Variants in NAALADL2 observed in about 807,000 individuals in gnomAD.
NAALADL2 encodes the protein inactive N-acetylated-alpha-linked acidic dipeptidase-like protein 2.
Under a neutral mutation model 87.2 loss-of-function variants are expected in NAALADL2, and 76 were observed. The observed-to-expected ratio is 0.87, with a 90% confidence interval of 0.72 to 1.05. The LOEUF is 1.05. Ranked by LOEUF, NAALADL2 falls within the 50% of genes least tolerant of loss-of-function variation. The pLI is 0.00. For synonymous variants in NAALADL2, 354 were observed against 331.0 expected, an observed-to-expected ratio of 1.07 and a Z score of -0.75; for missense variants, 1,089 against 945.8, an observed-to-expected ratio of 1.15 and a Z score of -1.99.
At chr3:175,518,280 G>A (rs968245638) in intron 9 of NAALADL2, among the ~76,000 whole-genome samples, 1 of 152,142 alleles carries the variant, frequency 6.6e-6, no homozygotes, top group African/African-American at 2.4e-5. Flanking sequence ...AGTAGGAACT[G>A]CATTCATGAG....
chr3:174,712,486 C>G (rs1334539536), intron 2 of NAALADL2, among the ~76,000 whole-genome samples: 1 of 138,974 alleles, frequency 7.2e-6, no homozygotes, highest in Non-Finnish European at 1.5e-5. Context: ...CTCCCGGGTT[C>G]ATGCCATTCT....
At chr3:174,868,649 C>T (rs1727442675) in intron 1 of NAALADL2, among the ~76,000 whole-genome samples, 2 of 152,056 alleles carry the variant, frequency 1.3e-5, no homozygotes, top group Admixed American at 6.6e-5. Context: ...AATGAAGAGA[C>T]TGTGAAAACT....
At chr3:175,794,629 T>C (rs1252869764) in intron 13 of NAALADL2, among the ~76,000 whole-genome samples, 1 of 152,216 alleles carries the variant, frequency 6.6e-6, no homozygotes, top group African/African-American at 2.4e-5. Flanking sequence ...AGTGTAGTTA[T>C]AGTTAGATGG....
At chr3:175,221,620 T>C (rs1462169737) in intron 2 of NAALADL2, among the ~76,000 whole-genome samples, 5 of 152,168 alleles carry the variant, frequency 3.3e-5, no homozygotes, top group Non-Finnish European at 7.3e-5. Context: ...GTGAAACCTC[T>C]CTTATTTAAC....
rs536444011 is a variant in NAALADL2 at position 175,177,881 on chromosome 3, A to G, written c.546-56050A>G. On this transcript the variant is annotated intron_variant, in intron 2 of 13. Transcript: ENST00000454872. ...TGTGTGCATGCTGTAAGCACCTACA[A>G]AATAATCTAAAAGCAGCAGAATTAT... Among the ~76,000 whole-genome samples the G allele has an allele frequency of 5.3e-5, 8 of 151,900 alleles. No individual in the cohort carries two copies. The South Asian group carries it at 1.7e-3, about 32-fold the overall frequency.
chr3:174,843,123 CTT>C (rs1433955638), intron 3 of NAALADL2, among the ~76,000 whole-genome samples: 1 of 152,042 alleles, frequency 6.6e-6, no homozygotes, highest in African/African-American at 2.4e-5. Flanking sequence ...TCAAAAGCCT[CTT>C]TTTGATCTAT....
At chr3:175,475,693 T>C (rs1020415009) in intron 9 of NAALADL2, among the ~76,000 whole-genome samples, 9 of 152,266 alleles carry the variant, frequency 5.9e-5, no homozygotes, top group Middle Eastern at 3.4e-3. Context: ...TGTAAAACTT[T>C]GCAGGGGACA....
chr3:175,637,550 G>A (rs1728719573), intron 11 of NAALADL2, among the ~76,000 whole-genome samples: 1 of 152,082 alleles, frequency 6.6e-6, no homozygotes, highest in African/African-American at 2.4e-5. Flanking sequence ...TCCCACTAGA[G>A]TTGGTTGTTA....
At chr3:175,645,584 G>T (rs1437584789) in intron 11 of NAALADL2, among the ~76,000 whole-genome samples, 1 of 151,892 alleles carries the variant, frequency 6.6e-6, no homozygotes, top group Non-Finnish European at 1.5e-5. Flanking sequence ...AGAGGGAGAA[G>T]AAAAAGAGTC....
chr3:175,242,761 A>C (rs1467464877), intron 3 of NAALADL2, among the ~76,000 whole-genome samples: 1 of 152,236 alleles, frequency 6.6e-6, no homozygotes, highest in Non-Finnish European at 1.5e-5. Context: ...CGCAGGGGAC[A>C]CAGTGGTAAA....
intron 3 of NAALADL2, among the ~76,000 whole-genome samples, chr3:175,241,645 C>T (rs934633802): frequency 1.3e-5 from 2 of 152,074 alleles, no homozygotes; most frequent in Non-Finnish European, 2.9e-5. Context: ...CATGATCTAA[C>T]ACAACATATT....
chr3:175,424,769 T>A (rs981830371), intron 5 of NAALADL2, among the ~76,000 whole-genome samples: 1 of 152,158 alleles, frequency 6.6e-6, no homozygotes, highest in Non-Finnish European at 1.5e-5. Context: ...TTTTTAATTT[T>A]TATGTGCCCT....
At chr3:174,484,047 A>G (rs981634788) in intron 1 of NAALADL2, among the ~76,000 whole-genome samples, 1 of 152,120 alleles carries the variant, frequency 6.6e-6, no homozygotes, top group East Asian at 1.9e-4. Context: ...TTCTATTCTT[A>G]CAAAGAGAGT....
At chr3:174,661,547 C>T in intron 2 of NAALADL2, among the ~76,000 whole-genome samples, 1 of 151,822 alleles carries the variant, frequency 6.6e-6, no homozygotes, top group Non-Finnish European at 1.5e-5. Context: ...GATGCTTCTT[C>T]TTCTTCTTTC....
At chr3:175,446,028 T>A (rs1006096367) in intron 5 of NAALADL2, among the ~76,000 whole-genome samples, 5 of 152,284 alleles carry the variant, frequency 3.3e-5, no homozygotes, top group Admixed American at 3.3e-4. Context: ...GTTCTGTATA[T>A]GACTGGGATT....
At chr3:175,653,786 C>G (rs1338206634) in intron 11 of NAALADL2, among the ~76,000 whole-genome samples, 1 of 152,112 alleles carries the variant, frequency 6.6e-6, no homozygotes, top group African/African-American at 2.4e-5. Flanking sequence ...TGGGGTTTTC[C>G]TTTCCATAGA....
At chr3:175,126,229 A>G (rs1231668923) in intron 2 of NAALADL2, among the ~76,000 whole-genome samples, 3 of 152,086 alleles carry the variant, frequency 2.0e-5, no homozygotes, top group Non-Finnish European at 2.9e-5. Flanking sequence ...TGGAGATAGG[A>G]AGAACAGATA....
intron 1 of NAALADL2, among the ~76,000 whole-genome samples, chr3:175,058,799 T>C (rs1712794124): frequency 6.6e-6 from 1 of 152,226 alleles, no homozygotes; most frequent in African/African-American, 2.4e-5. Context: ...AGCTAGAGTG[T>C]CACCTTTCAG....
intron 4 of NAALADL2, among the ~76,000 whole-genome samples, chr3:175,261,128 A>G (rs1750954960): frequency 6.6e-6 from 1 of 152,196 alleles, no homozygotes; most frequent in Middle Eastern, 3.4e-3. Context: ...ATAACAGTTT[A>G]TTTTTTGGGA....
Sources: gnomAD v4.1 joint callset for allele counts (sites outside exome capture counted in the v4.1 genomes callset) on GRCh38, gnomAD v4.1.1 for gene constraint, MANE v1.5 for transcripts, NCBI Gene and HGNC (gene_info 2026-07-23, HGNC 2026-07-21) for gene names.